SYTL2: variants seen among roughly 807,000 people sequenced by gnomAD.
SYTL2 encodes synaptotagmin-like protein 2.
In SYTL2, 165 loss-of-function variants were observed where a neutral mutation model predicts 198.7. The ratio of observed to expected loss-of-function variants is 0.83; its 90% CI spans 0.73 to 0.94. The LOEUF is 0.94. Among genes scored for constraint, SYTL2 ranks in the 40% least tolerant of loss-of-function variants. SYTL2 has a pLI of 0.00. For synonymous variants in SYTL2, 966 were observed against 917.7 expected, an observed-to-expected ratio of 1.05 and a Z score of -0.95; for missense variants, 2,835 against 2,582.8, an observed-to-expected ratio of 1.10 and a Z score of -2.12.
chr11:85,784,617 CT>C (rs2092608872), intron 1 of SYTL2, among the ~76,000 whole-genome samples: 1 of 152,138 alleles, frequency 6.6e-6, no homozygotes, highest in African/African-American at 2.4e-5. Context: ...ATATTATTCT[CT>C]AACATAATGG....
At chr11:85,735,192 A>C (rs1014272777) in intron 6 of SYTL2, among the ~76,000 whole-genome samples, 3 of 152,196 alleles carry the variant, frequency 2.0e-5, no homozygotes, top group Non-Finnish European at 4.4e-5. Flanking sequence ...AATATTGTGA[A>C]CCTAAAACTG....
chr11:85,795,669 A>G (rs1005913824), intron 1 of SYTL2, among the ~76,000 whole-genome samples: 4 of 152,238 alleles, frequency 2.6e-5, no homozygotes, highest in Admixed American at 6.5e-5. Context: ...ATCTATTTCT[A>G]TCTTCTTCCT....
chr11:85,852,015 T>G, the SYTL2 span, among the ~76,000 whole-genome samples: 1 of 152,080 alleles, frequency 6.6e-6, no homozygotes, highest in Non-Finnish European at 1.5e-5. Flanking sequence ...TAAAATGAGG[T>G]GGAACACGTA....
At chr11:85,743,885 C>G (rs1015479869) in intron 4 of SYTL2, among the ~76,000 whole-genome samples, 1 of 152,044 alleles carries the variant, frequency 6.6e-6, no homozygotes, top group South Asian at 2.1e-4. Context: ...TCTGTGGCAC[C>G]TGCTCCCTCC....
chr11:85,794,479 A>T (rs1247129037), intron 1 of SYTL2, among the ~76,000 whole-genome samples: 2 of 152,250 alleles, frequency 1.3e-5, no homozygotes, highest in Non-Finnish European at 2.9e-5. Flanking sequence ...ACGCCCAGCC[A>T]GTTTTAAATT....
At position 85,707,474 on chromosome 11, in the gene SYTL2, G is replaced by C; in HGVS notation, c.5973C>G (p.Leu1991=). The C allele has an allele frequency of 6.2e-7, 1 of 1,613,922 alleles. No homozygotes were observed. ...CAGGATTCAAGGTTTTCTTCACTAC[G>C]AGTGTTTTCTTCTTGCCCATTTTGC... The part of the protein sequence containing the change: ...DKGKMGKKKT[L]VVKKTLNPVY... The change falls in exon 15 of 20, where the codon CTC becomes CTG. Residue 1991 remains leucine, a synonymous_variant. Transcript: ENST00000359152.
chr11:85,830,950 A>G, the SYTL2 span, among the ~76,000 whole-genome samples: 1 of 152,212 alleles, frequency 6.6e-6, no homozygotes, highest in East Asian at 1.9e-4. Flanking sequence ...CTAGGCCACT[A>G]TATCTCAAAA....
At chr11:85,751,297 G>C (rs753861591) in intron 2 of SYTL2, among the ~76,000 whole-genome samples, 30 of 152,070 alleles carry the variant, frequency 2.0e-4, no homozygotes, top group Non-Finnish European at 4.1e-4. Context: ...TAACATCAAA[G>C]TTTTGTAAAG....
At chr11:85,731,509 G>T (rs1446064270) in intron 7 of SYTL2, among the ~76,000 whole-genome samples, 2 of 152,174 alleles carry the variant, frequency 1.3e-5, no homozygotes, top group African/African-American at 4.8e-5. Flanking sequence ...AATAAATGGT[G>T]TTGGGAAAAC....
chr11:85,700,772 A>T (rs973785364), intron 16 of SYTL2, 179 bp from the exon 17 acceptor site: 1 of 521,796 alleles, frequency 1.9e-6, no homozygotes, highest in African/African-American at 1.9e-5. Context: ...ACCTGGGAAA[A>T]CTAGGTTGTA....
chr11:85,784,646 T>A (rs997861078), intron 1 of SYTL2, among the ~76,000 whole-genome samples: 2 of 152,202 alleles, frequency 1.3e-5, no homozygotes, highest in Non-Finnish European at 2.9e-5. Context: ...ATGCCACTAC[T>A]ATTTAGGCTG....
At chr11:85,746,651 A>G (rs1565973940) in intron 3 of SYTL2, among the ~76,000 whole-genome samples, 1 of 152,172 alleles carries the variant, frequency 6.6e-6, no homozygotes, top group Non-Finnish European at 1.5e-5. Context: ...ATTCCAGGAG[A>G]GTATCCCCCC....
chr11:85,812,447 T>C (rs143914615), upstream of SYTL2, among the ~76,000 whole-genome samples: 1 of 152,200 alleles, frequency 6.6e-6, no homozygotes, highest in East Asian at 1.9e-4. Flanking sequence ...GTCCCTGTGC[T>C]GGGTGAGCAT....
chr11:85,841,905 CTTAT>C, the SYTL2 span, among the ~76,000 whole-genome samples: 12 of 152,190 alleles, frequency 7.9e-5, no homozygotes, highest in African/African-American at 2.9e-4. Context: ...ACAGGTGTAA[CTTAT>C]TTGTCAGGTA....
intron 17 of SYTL2, 145 bp from the exon 18 acceptor site, chr11:85,698,223 G>T (rs1273658789): frequency 6.8e-6 from 4 of 589,532 alleles, no homozygotes; most frequent in Non-Finnish European, 1.2e-5. Context: ...AATCTATACA[G>T]TCTTAACTAA....
chr11:85,714,268 A>T, intron 12 of SYTL2, 145 bp downstream of exon 12: 1 of 631,692 alleles, frequency 1.6e-6, no homozygotes, highest in Non-Finnish European at 2.8e-6. Context: ...GATGAACAAC[A>T]CTACTTCTAT....
At chr11:85,851,398 T>C in the SYTL2 span, among the ~76,000 whole-genome samples, 6 of 152,230 alleles carry the variant, frequency 3.9e-5, no homozygotes, top group African/African-American at 1.4e-4. Flanking sequence ...CTTTACAAAT[T>C]ATTGTGAGAT....
At chr11:85,848,346 T>C in the SYTL2 span, among the ~76,000 whole-genome samples, 1 of 152,126 alleles carries the variant, frequency 6.6e-6, no homozygotes, top group African/African-American at 2.4e-5. Context: ...TTTTTTCTTT[T>C]TTGAATCATG....
intron 2 of SYTL2, among the ~76,000 whole-genome samples, chr11:85,755,224 G>C (rs80181130): frequency 7.8e-4 from 118 of 152,170 alleles, no homozygotes; most frequent in African/African-American, 2.7e-3. Context: ...GCAAAGAGGG[G>C]GTCAGGCTAT....
Sources: gnomAD v4.1 joint callset for allele counts (sites outside exome capture counted in the v4.1 genomes callset) on GRCh38, gnomAD v4.1.1 for gene constraint, MANE v1.5 for transcripts, NCBI Gene and HGNC (gene_info 2026-07-23, HGNC 2026-07-21) for gene names.